The following PCDHA3 variants were observed in gnomAD, a reference collection of about 807,000 sequenced individuals.
The protein encoded by PCDHA3 is protocadherin alpha-3.
PCDHA3 carries 41 observed loss-of-function variants against 62.2 expected under a neutral mutation model. The observed-to-expected ratio is 0.66, with a 90% confidence interval of 0.51 to 0.86. The LOEUF (loss-of-function observed/expected upper bound fraction) is 0.86. Ranked by LOEUF, PCDHA3 falls within the 40% of genes least tolerant of loss-of-function variation. PCDHA3 has a pLI of 0.00. For missense variants in PCDHA3, 1,304 were observed against 1,241.2 expected, an observed-to-expected ratio of 1.05 and a Z score of -0.76; for synonymous variants, 640 against 555.4, an observed-to-expected ratio of 1.15 and a Z score of -2.14.
At chr5:140,883,853 G>C in intron 1 of PCDHA3, 2 of 1,613,002 alleles carry the variant, frequency 1.2e-6, no homozygotes, top group Middle Eastern at 1.9e-4. Flanking sequence ...CGAGGAGCTG[G>C]AGCTGTTGCA....
chr5:140,835,450 C>G lies in PCDHA3; in HGVS notation c.2394+31859C>G, dbSNP rs2150235992. 4 of 1,613,938 alleles carry G rather than the reference C, an allele frequency of 2.5e-6. No individual in the cohort carries two copies. The South Asian group carries it at 4.4e-5, about 18-fold the overall frequency. On this transcript the variant is annotated intron_variant, in intron 1 of 3. Coordinates refer to ENST00000522353, the MANE Select transcript of PCDHA3 (RefSeq NM_018906.3). The stretch of plus-strand genomic sequence containing the variant: ...CCACAGTTGACTCTCACTTCCCTGT[C>G]TCTCCCTATTCCAGAGGACGCCCAA...
intron 1 of PCDHA3, chr5:140,848,306 T>C (rs1781428970): frequency 1.4e-6 from 1 of 705,366 alleles, no homozygotes; most frequent in South Asian, 2.0e-5. Context: ...GTGATGTCAC[T>C]CTTTGCCGCG....
rs976104418 is a variant in PCDHA3 at position 140,967,290 on chromosome 5, C to G, written c.2395-11659C>G. The G allele has an allele frequency of 3.1e-6, 5 of 1,612,712 alleles. No individual in the cohort carries two copies. In the African/African-American group the frequency reaches 5.3e-5, roughly 17 times the overall value. ...TTTCACATAGAGAGTGCGCAGGACC[C>G]CGACGTGGGCGCCAACTCAGTACAG... On this transcript the variant is annotated intron_variant, in intron 1 of 3. Coordinates refer to ENST00000522353, the MANE Select transcript of PCDHA3 (RefSeq NM_018906.3).
intron 1 of PCDHA3, among the ~76,000 whole-genome samples, chr5:140,965,456 G>A (rs2095902676): frequency 6.6e-6 from 1 of 151,710 alleles, no homozygotes; most frequent in Admixed American, 6.6e-5. Context: ...GTTATTGTAA[G>A]ATAAATCCCA....
intron 1 of PCDHA3, chr5:140,861,392 G>A (rs2046897620): frequency 2.2e-6 from 1 of 451,822 alleles, no homozygotes; most frequent in Non-Finnish European, 4.5e-6. Context: ...ACCTGGGTCT[G>A]GAGCTTGTGG....
chr5:140,802,526 G>A lies in PCDHA3; in HGVS notation c.1329G>A (p.Val443=). Reference sequence around the variant, plus strand: ...TGTGGGCCACGGCCAGCGTGTCCGTGGAGGTGGCCGACGTGAACGACAATG... The same window carrying A: ...TGTGGGCCACGGCCAGCGTGTCCGTAGAGGTGGCCGACGTGAACGACAATG... The part of the protein sequence containing the change: ...PSLWATASVS[V]EVADVNDNAP... Residue 443 remains valine (V), a synonymous_variant, in exon 1 of 4, where the codon GTG becomes GTA. Transcript: ENST00000522353. 1.9e-6 allele frequency: 3 copies of A among 1,614,188 alleles called. No homozygotes were observed. The highest frequency in any genetic ancestry group is 2.5e-6 in the Non-Finnish European group (3 of 1,180,050).
At position 140,894,520 on chromosome 5, in the gene PCDHA3, C is replaced by T. The variant is rs377646516; in HGVS notation, c.2395-84429C>T. On this transcript the variant is annotated intron_variant, in intron 1 of 3. Coordinates refer to ENST00000522353, the MANE Select transcript of PCDHA3 (RefSeq NM_018906.3). ...AGGCATTATCCATAGTGTTTATATG[C>T]TGTTATGTGCCTTCTGGTTTAGTGT... is the stretch of plus-strand genomic sequence containing the variant. Among the ~76,000 whole-genome samples, 12 of 151,842 alleles carry T rather than the reference C, an allele frequency of 7.9e-5. No homozygotes were observed. In the East Asian group the frequency reaches 1.9e-3, roughly 24 times the overall value.
chr5:140,973,754 G>A (rs2096600951), intron 1 of PCDHA3, among the ~76,000 whole-genome samples: 1 of 152,198 alleles, frequency 6.6e-6, no homozygotes, highest in South Asian at 2.1e-4. Flanking sequence ...CACTCTGCAG[G>A]GACACAGCCT....
intron 1 of PCDHA3, chr5:140,967,345 CGAGCTG>C (rs1443872198): frequency 1.2e-6 from 2 of 1,607,634 alleles, no homozygotes; most frequent in Non-Finnish European, 1.7e-6. Context: ...GCGAGCACTT[CGAGCTG>C]GACCTTAAGC....
intron 3 of PCDHA3, among the ~76,000 whole-genome samples, chr5:140,999,980 C>A (rs1386394350): frequency 6.6e-6 from 1 of 152,076 alleles, no homozygotes; most frequent in Non-Finnish European, 1.5e-5. Context: ...GCTCTAGCGG[C>A]CTCTGGGTAG....
At chr5:140,862,842 G>T (rs1554157108) in intron 1 of PCDHA3, 2 of 572,864 alleles carry the variant, frequency 3.5e-6, no homozygotes, top group Middle Eastern at 3.7e-4. Context: ...CGGGCATGCC[G>T]CCTCTGAGCA....
chr5:140,829,493 A>G, intron 1 of PCDHA3: 1 of 1,613,654 alleles, frequency 6.2e-7, no homozygotes, highest in Non-Finnish European at 8.5e-7. Flanking sequence ...GAAGGAGAAC[A>G]ACCCGCCGGG....
At chr5:140,899,400 AG>A (rs1331352997) in intron 1 of PCDHA3, among the ~76,000 whole-genome samples, 2 of 152,132 alleles carry the variant, frequency 1.3e-5, no homozygotes, top group Non-Finnish European at 2.9e-5. Context: ...TTTAGCATGA[AG>A]GGTTGTTGAA....
intron 1 of PCDHA3, among the ~76,000 whole-genome samples, chr5:140,827,174 A>G (rs2150146581): frequency 1.9e-4 from 29 of 152,298 alleles, no homozygotes; most frequent in African/African-American, 7.0e-4. Context: ...TACCTCAATA[A>G]AAGTCTTATT....
Position 140,928,056 on chromosome 5 carries a change from G to A in PCDHA3, c.2395-50893G>A, listed in dbSNP as rs183490994. ...CTAGTGCAGGCCCTTTTCAGCTGAC[G>A]GCTTCCTTTGACAACTACTACAGCC... On this transcript the variant is annotated intron_variant, in intron 1 of 3. Coordinates refer to ENST00000522353, the MANE Select transcript of PCDHA3 (RefSeq NM_018906.3). The A allele has an allele frequency of 2.8e-5, 45 of 1,614,154 alleles. 1 individual carries two copies. The East Asian group carries it at 4.7e-4, about 17-fold the overall frequency.
At chr5:140,926,859 G>A in intron 1 of PCDHA3, 1 of 1,521,332 alleles carries the variant, frequency 6.6e-7, no homozygotes, top group Non-Finnish European at 8.8e-7. Context: ...CGTTGGTGTA[G>A]CGTGTTGGTG....
intron 1 of PCDHA3, chr5:140,841,149 T>G: frequency 1.3e-6 from 1 of 781,862 alleles, no homozygotes. Flanking sequence ...ATGATGTCGC[T>G]GTCTACCAAG....
chr5:140,834,793 A>G (rs1554134523), intron 1 of PCDHA3: 4 of 1,613,670 alleles, frequency 2.5e-6, no homozygotes, highest in South Asian at 2.2e-5. Flanking sequence ...CCAGCGACAC[A>G]AAGGAATCTG....
At chr5:140,902,560 G>A (rs558432897) in intron 1 of PCDHA3, among the ~76,000 whole-genome samples, 1 of 151,954 alleles carries the variant, frequency 6.6e-6, no homozygotes, top group African/African-American at 2.4e-5. Flanking sequence ...CCAGATTTTT[G>A]AGGGTTTTTA....
Sources: gnomAD v4.1 joint callset for allele counts (sites outside exome capture counted in the v4.1 genomes callset) on GRCh38, gnomAD v4.1.1 for gene constraint, MANE v1.5 for transcripts, NCBI Gene and HGNC (gene_info 2026-07-23, HGNC 2026-07-21) for gene names.